ATG3: variants seen among roughly 807,000 people sequenced by gnomAD.
The protein encoded by ATG3 is ubiquitin-like-conjugating enzyme ATG3.
A neutral mutation model predicts 50.7 loss-of-function variants in ATG3; 25 were observed. The ratio of observed to expected loss-of-function variants is 0.49; its 90% CI spans 0.36 to 0.69. The LOEUF (loss-of-function observed/expected upper bound fraction) is 0.69. Among genes scored for constraint, ATG3 ranks in the 30% least tolerant of loss-of-function variants. ATG3 has a pLI of 0.00. For synonymous variants in ATG3, 119 were observed against 125.5 expected (o/e 0.95, Z 0.34); for missense variants, 281 against 376.0 (o/e 0.75, Z 2.09).
intron 7 of ATG3, 105 bp downstream of exon 7, chr3:112,541,696 CTA>C: frequency 7.2e-6 from 7 of 969,254 alleles, no homozygotes; most frequent in Non-Finnish European, 1.1e-5. Flanking sequence ...CACTAGGCTG[CTA>C]AATGCTAAAC....
chr3:112,561,962 T>C lies in ATG3; in HGVS notation c.-434A>G, dbSNP rs569217583. 2.2e-3 allele frequency: 437 copies of C among 202,452 alleles called. 4 individuals carry two copies. Among genetic ancestry groups the C allele is most frequent in the African/African-American group, 9.9e-3 (416 of 41,868 alleles). The allele number at this position is 202,452 out of a possible 1,614,324, so 12.5% of individuals were successfully genotyped here. A position where few individuals can be genotyped will look rare whatever the true frequency, so the allele number is the denominator to read the frequency against. ...CCGCCACCGGGGCCTCACGTGACAC[T>C]AGACTCTCCCGGCACGTGACGTGAG... On this transcript the variant is annotated 5_prime_UTR_variant, in exon 1 of 12. Coordinates refer to ENST00000283290, the MANE Select transcript of ATG3 (RefSeq NM_022488.5).
rs1352531747 is a variant in ATG3 at position 112,561,554 on chromosome 3, C to A, written c.-26G>T. The A allele has an allele frequency of 6.2e-7, 1 of 1,601,478 alleles. No homozygotes were observed. The highest frequency in any genetic ancestry group is 1.1e-5 in the South Asian group (1 of 90,254). ...CCTGGGGCCGGAGTAGCGGCCGGCC[C>A]CGCGACGGGATGGAAAGTGCAGCCG... On this transcript the variant is annotated 5_prime_UTR_variant, in exon 1 of 12. Coordinates refer to ENST00000283290, the MANE Select transcript of ATG3 (RefSeq NM_022488.5).
intron 11 of ATG3, chr3:112,533,196 G>A (rs1478797921): frequency 2.0e-6 from 2 of 985,974 alleles, no homozygotes; most frequent in Non-Finnish European, 1.2e-6. Flanking sequence ...TAAAAATCCT[G>A]TATAGTAGAC....
intron 1 of ATG3, among the ~76,000 whole-genome samples, chr3:112,558,730 G>A (rs894224528): frequency 1.3e-5 from 2 of 151,568 alleles, no homozygotes; most frequent in African/African-American, 2.4e-5. Flanking sequence ...GCTCTATGTA[G>A]AAACATTCTT....
chr3:112,552,475 C>T (rs903332663), intron 3 of ATG3, among the ~76,000 whole-genome samples: 1 of 151,806 alleles, frequency 6.6e-6, no homozygotes, highest in Non-Finnish European at 1.5e-5. Flanking sequence ...TATCATAAAC[C>T]TTTCTTTTAG....
chr3:112,537,955 ACTT>A, intron 8 of ATG3, 65 bp from the exon 9 acceptor site: 2 of 1,454,630 alleles, frequency 1.4e-6, no homozygotes, highest in Non-Finnish European at 1.9e-6. Context: ...ATTCTAGAAA[ACTT>A]ATTTTTTCCA....
intron 6 of ATG3, among the ~76,000 whole-genome samples, chr3:112,542,086 AAAT>A (rs1332454375): frequency 6.6e-6 from 1 of 151,886 alleles, no homozygotes; most frequent in Non-Finnish European, 1.5e-5. Flanking sequence ...TGTGACTGAA[AAAT>A]AACAAAGGTT....
Position 112,553,308 on chromosome 3 carries a change from G to C in ATG3, c.136C>G (p.Leu46Val). 25 of 1,611,930 alleles carry C rather than the reference G, an allele frequency of 1.6e-5. No homozygotes were observed. The highest frequency in any genetic ancestry group is 2.1e-5 in the Non-Finnish European group (25 of 1,178,112). ...TGCCATGTTGGACAGTGGTGGACTAGGTGATCTCCAGCTGCCACAAACTAT... is the reference window on the plus strand; with the variant it reads ...TGCCATGTTGGACAGTGGTGGACTACGTGATCTCCAGCTGCCACAAACTAT... ...PEEFVAAGDH[L>V]VHHCPTWQWA... The change falls in exon 3 of 12, where the codon CTA (leucine) becomes GTA (valine). Residue 46 changes from leucine (L) to valine (V), a missense_variant. Leu to Val is a conservative substitution (Grantham distance 32). This residue lies in a region of ATG3 where 17 missense variants were observed against 48.2 expected (regional missense o/e 0.35). Transcript: ENST00000283290.
intron 5 of ATG3, 43 bp downstream of exon 5, chr3:112,548,490 G>A: frequency 6.8e-7 from 1 of 1,480,108 alleles, no homozygotes; most frequent in South Asian, 1.1e-5. Context: ...TTGTGAAAGA[G>A]TTTAATTTAA....
rs1404609890 is a variant in ATG3 at position 112,556,308 on chromosome 3, C to G, written c.114+2068G>C. On this transcript the variant is annotated intron_variant, in intron 2 of 11. Transcript: ENST00000283290. ...GAGGGGCGCCTCTGCCTGGCCGCCC[C>G]TACTGGGAAGTGAGGAGCCCCTCTG... 2.0e-5 allele frequency among the ~76,000 whole-genome samples: 3 copies of G among 151,700 alleles called. No individual in the cohort carries two copies. In the East Asian group the frequency reaches 5.8e-4, roughly 29 times the overall value.
intron 2 of ATG3, among the ~76,000 whole-genome samples, chr3:112,557,027 A>G (rs185202091): frequency 2.6e-4 from 39 of 152,270 alleles, no homozygotes; most frequent in African/African-American, 9.4e-4. Context: ...ATTAAAAAAA[A>G]AAAAGAAATT....
intron 3 of ATG3, among the ~76,000 whole-genome samples, chr3:112,550,483 C>T (rs1933498981): frequency 6.6e-6 from 1 of 152,044 alleles, no homozygotes; most frequent in Admixed American, 6.6e-5. Context: ...TGCAGATAGA[C>T]CCAAGAGAAT....
intron 7 of ATG3, among the ~76,000 whole-genome samples, chr3:112,539,025 T>C (rs1054870457): frequency 6.6e-6 from 1 of 152,178 alleles, no homozygotes; most frequent in African/African-American, 2.4e-5. Flanking sequence ...TGACATCCAA[T>C]CCAGCAGCAA....
At chr3:112,561,336 T>C (rs942898600) in intron 1 of ATG3, 121 bp downstream of exon 1, 7 of 1,012,648 alleles carry the variant, frequency 6.9e-6, no homozygotes, top group African/African-American at 6.4e-5. Flanking sequence ...TCCCTGTGTC[T>C]CGAGCCCTAC....
intron 5 of ATG3, among the ~76,000 whole-genome samples, chr3:112,546,384 A>C (rs989420544): frequency 1.6e-4 from 25 of 152,198 alleles, no homozygotes; most frequent in African/African-American, 5.6e-4. Context: ...TGCATACACT[A>C]GACAATGGGA....
At chr3:112,548,869 G>T (rs1337527945) in intron 4 of ATG3, among the ~76,000 whole-genome samples, 1 of 152,190 alleles carries the variant, frequency 6.6e-6, no homozygotes, top group Non-Finnish European at 1.5e-5. Flanking sequence ...AAGTAGAAAA[G>T]CTCTATTGGG....
intron 7 of ATG3, among the ~76,000 whole-genome samples, chr3:112,541,119 T>C (rs1933212209): frequency 6.6e-6 from 1 of 152,076 alleles, no homozygotes; most frequent in African/African-American, 2.4e-5. Flanking sequence ...CCAAGCACAG[T>C]GGCTCACACC....
chr3:112,541,863 A>G lies in ATG3; in HGVS notation c.415T>C (p.Cys139Arg), dbSNP rs775043631. The change falls in exon 7 of 12, where the codon TGC (cysteine) becomes CGC (arginine). Residue 139 changes from cysteine (C) to arginine (R), a missense_variant. Coordinates refer to ENST00000283290, the MANE Select transcript of ATG3 (RefSeq NM_022488.5). ...TCTTCCTCTTCACATAGTGCTGAGC[A>G]ATCTTGAAGCCTTATATTGTCCTTT... ...ENKDNIRLQD[C>R]SALCEEEEDE... 3.1e-6 allele frequency: 5 copies of G among 1,611,914 alleles called. No homozygotes were observed. Among genetic ancestry groups the G allele is most frequent in the Non-Finnish European group, 4.2e-6 (5 of 1,179,318 alleles).
At chr3:112,543,392 A>T (rs1933285224) in intron 6 of ATG3, among the ~76,000 whole-genome samples, 1 of 152,116 alleles carries the variant, frequency 6.6e-6, no homozygotes, top group African/African-American at 2.4e-5. Flanking sequence ...GCCTAAAATA[A>T]CTCAAAATTT....
Sources: gnomAD v4.1 joint callset for allele counts (sites outside exome capture counted in the v4.1 genomes callset) on GRCh38, gnomAD v4.1.1 for gene constraint, gnomAD v4.1.1 regional missense constraint, MANE v1.5 for transcripts, NCBI Gene and HGNC (gene_info 2026-07-23, HGNC 2026-07-21) for gene names.